AP1G1: variants seen among roughly 807,000 people sequenced by gnomAD.
AP1G1 encodes adaptor related protein complex 1 subunit gamma 1, also known as AP-1 complex subunit gamma-1.
AP1G1 carries 7 observed loss-of-function variants against 108.3 expected under a neutral mutation model. That is an observed-to-expected ratio of 0.06 (90% CI 0.04 to 0.12). The LOEUF (loss-of-function observed/expected upper bound fraction) is 0.12, where lower values mean the gene tolerates loss of function less well. Ranked by LOEUF, AP1G1 falls within the 10% of genes least tolerant of loss-of-function variation. The pLI is 1.00. For missense variants in AP1G1, 756 were observed against 1,010.7 expected (o/e 0.75, Z 3.42); for synonymous variants, 379 against 353.5 (o/e 1.07, Z -0.81).
intron 19 of AP1G1, among the ~76,000 whole-genome samples, chr16:71,740,794 G>T (rs11646635): frequency 0.34 from 52,294 of 152,074 alleles, 9,770 homozygotes; most frequent in East Asian, 0.76. Context: ...CAGTAGTTAC[G>T]TCTGGAATCA....
Position 71,739,286 on chromosome 16 carries a change from G to C in AP1G1, c.2055C>G (p.Pro685=), listed in dbSNP as rs1024090504. Residue 685 remains proline, a synonymous_variant, in exon 20 of 23, where the codon CCC becomes CCG. Coordinates refer to ENST00000299980, the MANE Select transcript of AP1G1 (RefSeq NM_001128.6). ...PASVPQISQP[P]FLLDGLSSQP... ...GTGATGAAAGCCCATCCAACAAGAA[G>C]GGGGGCTGGGATATCTGTGGGACTG... The C allele has an allele frequency of 1.9e-6, 3 of 1,613,046 alleles. No individual in the cohort carries two copies. In the East Asian group the frequency reaches 6.7e-5, roughly 36 times the overall value.
chr16:71,768,917 C>CAAAA (rs58725744), intron 6 of AP1G1, among the ~76,000 whole-genome samples: 41 of 42,160 alleles, frequency 9.7e-4, no homozygotes, highest in African/African-American at 3.9e-3. Context: ...GACTCTGTCT[C>CAAAA]AAAAAAAAAA....
chr16:71,733,755 G>T (rs768508690), intron 22 of AP1G1, among the ~76,000 whole-genome samples: 1 of 152,132 alleles, frequency 6.6e-6, no homozygotes, highest in South Asian at 2.1e-4. Flanking sequence ...TATACTCATC[G>T]TACGCTCTCC....
At chr16:71,772,196 T>C (rs1036577377) in intron 4 of AP1G1, among the ~76,000 whole-genome samples, 2 of 151,634 alleles carry the variant, frequency 1.3e-5, no homozygotes, top group East Asian at 3.9e-4. Context: ...AATGGCGCAA[T>C]GTCGGCTCAC....
intron 10 of AP1G1, among the ~76,000 whole-genome samples, chr16:71,759,235 G>A (rs924610969): frequency 6.6e-6 from 1 of 152,134 alleles, no homozygotes; most frequent in Non-Finnish European, 1.5e-5. Flanking sequence ...GAGGCAGGTG[G>A]ATACCTGAGG....
chr16:71,746,264 C>T, intron 17 of AP1G1, among the ~76,000 whole-genome samples: 1 of 152,186 alleles, frequency 6.6e-6, no homozygotes, highest in South Asian at 2.1e-4. Context: ...CCCGCCTCGG[C>T]CTCCCAAAGT....
intron 6 of AP1G1, 161 bp from the exon 7 acceptor site, chr16:71,765,745 G>A: frequency 1.7e-6 from 1 of 590,064 alleles, no homozygotes; most frequent in Non-Finnish European, 3.1e-6. Flanking sequence ...AAACTTAGGA[G>A]TAACTTAGGG....
At chr16:71,740,861 A>C (rs556165370) in intron 19 of AP1G1, among the ~76,000 whole-genome samples, 178 of 152,334 alleles carry the variant, frequency 1.2e-3, no homozygotes, top group African/African-American at 4.1e-3. Context: ...TTAATATTTT[A>C]TTTTACAAAC....
intron 2 of AP1G1, among the ~76,000 whole-genome samples, chr16:71,785,020 T>C (rs1401642674): frequency 1.3e-5 from 2 of 150,836 alleles, no homozygotes; most frequent in Non-Finnish European, 2.9e-5. Context: ...TATTCTTTAA[T>C]CAATATATCT....
At chr16:71,739,124 A>G (rs924663404) in intron 20 of AP1G1, 22 bp from the exon 21 acceptor site, 1 of 1,613,656 alleles carries the variant, frequency 6.2e-7, no homozygotes. Flanking sequence ...CAGGAAGATA[A>G]GTCTTATTGT....
chr16:71,740,725 T>C (rs1355101775), intron 19 of AP1G1, among the ~76,000 whole-genome samples: 1 of 152,180 alleles, frequency 6.6e-6, no homozygotes, highest in Non-Finnish European at 1.5e-5. Context: ...TACTACATAC[T>C]ATATCAAGAA....
intron 1 of AP1G1, chr16:71,808,521 C>G (rs761095943): frequency 9.7e-5 from 124 of 1,274,308 alleles, no homozygotes; most frequent in Non-Finnish European, 1.2e-4. Flanking sequence ...GGCAACGCCA[C>G]AACACGGAAC....
intron 1 of AP1G1, chr16:71,806,672 G>C (rs1045858146): frequency 7.8e-7 from 1 of 1,282,640 alleles, no homozygotes; most frequent in Non-Finnish European, 1.0e-6. Flanking sequence ...TAGTAACTGC[G>C]AGGGCATACT....
chr16:71,741,453 C>T (rs1257979458), intron 19 of AP1G1, among the ~76,000 whole-genome samples: 1 of 151,892 alleles, frequency 6.6e-6, no homozygotes, highest in Non-Finnish European at 1.5e-5. Flanking sequence ...TGTGGTGGCA[C>T]GCGCCTATAG....
chr16:71,729,432 GAAAA>G lies in AP1G1; in HGVS notation c.*3622_*3625del, dbSNP rs61081595. On this transcript the variant is annotated 3_prime_UTR_variant, in exon 23 of 23. Transcript: ENST00000299980. ...CGCAACCGCAGGTTCTTTGAGGGAAGAAAAAAAAAAAAAAAAAAACCAACTCCAA... is the reference window on the plus strand; with the variant it reads ...CGCAACCGCAGGTTCTTTGAGGGAAGAAAAAAAAAAAAAAACCAACTCCAA... The G allele has an allele frequency of 5.4e-5, 5 of 92,144 alleles. No individual in the cohort carries two copies. The highest frequency in any genetic ancestry group is 1.1e-4 in the African/African-American group (3 of 27,888). 5.7% of individuals were successfully genotyped at this position (92,144 alleles called of 1,614,324 possible).
At chr16:71,765,674 A>G (rs1352792448) in intron 6 of AP1G1, 90 bp from the exon 7 acceptor site, 4 of 1,003,602 alleles carry the variant, frequency 4.0e-6, no homozygotes, top group African/African-American at 3.2e-5. Flanking sequence ...AAAGGGTGTA[A>G]GGGTCCCAGT....
At chr16:71,753,734 A>G in intron 13 of AP1G1, 99 bp downstream of exon 13, 1 of 1,019,162 alleles carries the variant, frequency 9.8e-7, no homozygotes, top group South Asian at 1.4e-5. Context: ...TTACCTATTT[A>G]CTTGTGAATT....
At chr16:71,742,049 A>C (rs949826544) in intron 19 of AP1G1, among the ~76,000 whole-genome samples, 6 of 152,176 alleles carry the variant, frequency 3.9e-5, no homozygotes, top group African/African-American at 1.4e-4. Flanking sequence ...TAGAATTCAA[A>C]ATTTTAAAAC....
intron 15 of AP1G1, 65 bp from the exon 16 acceptor site, chr16:71,748,443 A>T (rs1211274472): frequency 1.2e-5 from 18 of 1,545,048 alleles, no homozygotes; most frequent in African/African-American, 2.8e-5. Flanking sequence ...TCTAAATCTG[A>T]TATCAAGTCA....
Sources: allele counts gnomAD v4.1 joint callset (sites outside exome capture counted in the v4.1 genomes callset), GRCh38; gene constraint gnomAD v4.1.1; transcripts MANE v1.5; gene names NCBI Gene and HGNC (gene_info 2026-07-23, HGNC 2026-07-21).